The following COG5 variants were observed in gnomAD, a reference collection of about 807,000 sequenced individuals.
The protein encoded by COG5 is component of oligomeric golgi complex 5.
In COG5, 86 loss-of-function variants were observed where a neutral mutation model predicts 110.4. The observed-to-expected ratio is 0.78, with a 90% CI of 0.65 to 0.93. COG5 has a LOEUF of 0.93. Among genes scored for constraint, COG5 ranks in the 40% least tolerant of loss-of-function variants. The pLI, the probability that COG5 is intolerant of heterozygous loss-of-function variation, is 0.00. For synonymous variants in COG5, 360 were observed against 334.6 expected (o/e 1.08, Z -0.83); for missense variants, 1,077 against 987.0 (o/e 1.09, Z -1.22).
At chr7:107,253,549 C>T (rs928012559) in intron 16 of COG5, among the ~76,000 whole-genome samples, 8 of 151,882 alleles carry the variant, frequency 5.3e-5, no homozygotes, top group African/African-American at 1.9e-4. Context: ...AATTACTGGA[C>T]CAAGGGGTTT....
Position 107,483,884 on chromosome 7 carries a change from T to C in COG5, c.538+43353A>G, listed in dbSNP as rs563211148. 5.6e-4 allele frequency among the ~76,000 whole-genome samples: 13 copies of C among 23,090 alleles called. No individual in the cohort carries two copies. The Admixed American group carries it at 9.0e-3, about 16-fold the overall frequency. The allele number at this position is 23,090 out of a possible 152,430, so 15.1% of individuals were successfully genotyped here. ...CAGATGCAAAATGTCACGGGTATGG[T>C]TATACATTTTTTTTTTTCCTAGAAC... On this transcript the variant is annotated intron_variant, in intron 6 of 21. Transcript: ENST00000297135.
intron 6 of COG5, among the ~76,000 whole-genome samples, chr7:107,502,965 CTGTT>C (rs979452208): frequency 3.3e-5 from 5 of 152,030 alleles, no homozygotes; most frequent in Non-Finnish European, 7.4e-5. Context: ...TGTGGGTTGT[CTGTT>C]TATTTTGACA....
At chr7:107,444,879 T>C (rs1794913630) in intron 6 of COG5, among the ~76,000 whole-genome samples, 1 of 152,184 alleles carries the variant, frequency 6.6e-6, no homozygotes. Flanking sequence ...TAATTTCTTA[T>C]AACTGAAACT....
intron 6 of COG5, among the ~76,000 whole-genome samples, chr7:107,471,180 T>C (rs1796611746): frequency 6.6e-6 from 1 of 152,076 alleles, no homozygotes. Context: ...ACATAATATA[T>C]ACAATCTTTA....
intron 3 of COG5, 118 bp from the exon 4 acceptor site, chr7:107,548,450 T>G: frequency 1.1e-6 from 1 of 926,806 alleles, no homozygotes; most frequent in Non-Finnish European, 1.8e-6. Flanking sequence ...GTCACCATCC[T>G]AATCCAAGCA....
chr7:107,220,834 T>C (rs1459096452), intron 19 of COG5, among the ~76,000 whole-genome samples: 1 of 150,554 alleles, frequency 6.6e-6, no homozygotes, highest in Non-Finnish European at 1.5e-5. Context: ...TTTTTTTTTT[T>C]TTTGAGGCAG....
At chr7:107,410,985 G>A (rs1051009281) in intron 7 of COG5, among the ~76,000 whole-genome samples, 5 of 152,210 alleles carry the variant, frequency 3.3e-5, no homozygotes, top group Non-Finnish European at 7.3e-5. Flanking sequence ...CCCAACGTAT[G>A]AGAATAACCA....
chr7:107,300,474 T>C (rs1186391749), intron 11 of COG5, among the ~76,000 whole-genome samples: 1 of 152,176 alleles, frequency 6.6e-6, no homozygotes, highest in African/African-American at 2.4e-5. Flanking sequence ...TAACTGAATT[T>C]AGCAAAGTTG....
At chr7:107,438,532 CT>C (rs1043037698) in intron 6 of COG5, among the ~76,000 whole-genome samples, 2 of 152,164 alleles carry the variant, frequency 1.3e-5, no homozygotes, top group African/African-American at 4.8e-5. Flanking sequence ...AGCAAACTTG[CT>C]TGTTTTTCTC....
At chr7:107,552,492 A>C (rs1216494588) in intron 3 of COG5, among the ~76,000 whole-genome samples, 3 of 152,204 alleles carry the variant, frequency 2.0e-5, no homozygotes, top group Admixed American at 6.5e-5. Context: ...TCTCAAAAGA[A>C]GGCATACATG....
At chr7:107,390,128 A>G (rs1253545839) in intron 7 of COG5, among the ~76,000 whole-genome samples, 1 of 152,174 alleles carries the variant, frequency 6.6e-6, no homozygotes, top group Non-Finnish European at 1.5e-5. Context: ...CCTACCAGTC[A>G]ATTTGACACG....
chr7:107,238,192 T>C, intron 17 of COG5, among the ~76,000 whole-genome samples: 1 of 152,182 alleles, frequency 6.6e-6, no homozygotes, highest in East Asian at 1.9e-4. Flanking sequence ...TTCTACTCTC[T>C]GTTTCTATGT....
chr7:107,440,672 T>C (rs1794651734), intron 6 of COG5, among the ~76,000 whole-genome samples: 1 of 152,116 alleles, frequency 6.6e-6, no homozygotes, highest in South Asian at 2.1e-4. Context: ...ACTGAGTCAA[T>C]CACCAATGGC....
At chr7:107,270,630 C>T (rs939034087) in intron 14 of COG5, among the ~76,000 whole-genome samples, 3 of 150,772 alleles carry the variant, frequency 2.0e-5, no homozygotes, top group African/African-American at 7.3e-5. Context: ...AGATGTTATA[C>T]ACACACACAC....
intron 10 of COG5, among the ~76,000 whole-genome samples, chr7:107,359,726 A>G (rs966157588): frequency 6.6e-6 from 1 of 151,930 alleles, no homozygotes; most frequent in Non-Finnish European, 1.5e-5. Context: ...GGAGCTACCC[A>G]CTCTGGGTCT....
chr7:107,558,690 T>C (rs1299701896), intron 1 of COG5, among the ~76,000 whole-genome samples: 2 of 151,138 alleles, frequency 1.3e-5, no homozygotes, highest in Admixed American at 6.6e-5. Context: ...ATCAAGACCA[T>C]CCTGGCTAGC....
At chr7:107,280,601 C>T (rs1016460053) in intron 14 of COG5, among the ~76,000 whole-genome samples, 1 of 151,264 alleles carries the variant, frequency 6.6e-6, no homozygotes, top group African/African-American at 2.4e-5. Flanking sequence ...ATTAGTATAT[C>T]AATAATGGTA....
At chr7:107,342,778 A>G (rs1236643871) in intron 10 of COG5, among the ~76,000 whole-genome samples, 1 of 152,222 alleles carries the variant, frequency 6.6e-6, no homozygotes, top group Non-Finnish European at 1.5e-5. Context: ...GGCAATGTAA[A>G]TTAGTTCAGC....
rs190714805 is a variant in COG5, at chr7:107,426,964, C to T, written c.539-14332G>A. 7.2e-5 allele frequency among the ~76,000 whole-genome samples: 11 copies of T among 152,260 alleles called. No individual in the cohort carries two copies. The East Asian group carries it at 2.1e-3, about 29-fold the overall frequency. On this transcript the variant is annotated intron_variant, in intron 6 of 21. Transcript: ENST00000297135. ...TGGAGTTCTGGAGAAAGATGAAGTACTTAAAGAAACTGACAGTGGTTGCAG... is the reference window on the plus strand; with the variant it reads ...TGGAGTTCTGGAGAAAGATGAAGTATTTAAAGAAACTGACAGTGGTTGCAG...
Sources: allele counts gnomAD v4.1 joint callset (sites outside exome capture counted in the v4.1 genomes callset), GRCh38; gene constraint gnomAD v4.1.1; transcripts MANE v1.5; gene names NCBI Gene and HGNC (gene_info 2026-07-23, HGNC 2026-07-21).